IPO9: variants seen among roughly 807,000 people sequenced by gnomAD.
IPO9 encodes the protein importin-9.
IPO9 carries 28 observed loss-of-function variants against 128.6 expected under a neutral mutation model. That is an observed-to-expected ratio of 0.22 (90% CI 0.16 to 0.30). The LOEUF (loss-of-function observed/expected upper bound fraction) is 0.30. Among genes scored for constraint, IPO9 ranks in the 10% least tolerant of loss-of-function variants. The probability of loss-of-function intolerance (pLI) is 1.00; values close to 1 mark genes in which losing one functional copy is unlikely to be tolerated. For synonymous variants in IPO9, 455 were observed against 475.8 expected, an observed-to-expected ratio of 0.96 and a Z score of 0.57; for missense variants, 935 against 1,293.9, an observed-to-expected ratio of 0.72 and a Z score of 4.26.
chr1:201,870,923 G>A lies in IPO9; in HGVS notation c.2409+65G>A. 7.1e-7 allele frequency: 1 copy of A among 1,414,880 alleles called. No homozygotes were observed. Among genetic ancestry groups the A allele is most frequent in the Non-Finnish European group, 9.2e-7 (1 of 1,083,862 alleles). The allele number at this position is 1,414,880 out of a possible 1,614,324, so 87.6% of individuals were successfully genotyped here. On this transcript the variant is annotated intron_variant, in intron 18 of 23. Coordinates refer to ENST00000361565, the MANE Select transcript of IPO9 (RefSeq NM_018085.5). The surrounding 1 kb of genome is among the most constrained non-coding windows in gnomAD (Gnocchi z 4.9). ...TGATAGAAATGAAAATTCGTATTTT[G>A]GTCCTGAGTTATTTTATTTTACCCT...
chr1:201,835,230 C>A (rs1679902501), intron 1 of IPO9, among the ~76,000 whole-genome samples: 1 of 152,316 alleles, frequency 6.6e-6, no homozygotes, highest in East Asian at 1.9e-4. Flanking sequence ...ACTGCCAAGT[C>A]TTGTCTCTCT....
chr1:201,871,381 T>TC, intron 19 of IPO9, 54 bp downstream of exon 19: 1 of 702,716 alleles, frequency 1.4e-6, no homozygotes, highest in Non-Finnish European at 1.9e-6. Context: ...TATTTCTTTT[T>TC]TTTTTTTTTT....
At chr1:201,854,977 C>T (rs1373316232) in intron 8 of IPO9, 54 bp downstream of exon 8, 16 of 1,457,730 alleles carry the variant, frequency 1.1e-5, no homozygotes, top group Admixed American at 8.3e-5. Flanking sequence ...TTAGGAATCT[C>T]GCACTGGGTT....
intron 1 of IPO9, among the ~76,000 whole-genome samples, chr1:201,835,247 C>T (rs900917221): frequency 2.0e-5 from 3 of 152,204 alleles, no homozygotes; most frequent in African/African-American, 7.2e-5. Context: ...CTCTAGGAGA[C>T]CCTTCAGACC....
rs1680300472 is a variant in IPO9, at chr1:201,854,885, G to T, written c.873G>T (p.Leu291=). Residue 291 remains leucine (L), a synonymous_variant, in exon 8 of 24, where the codon CTG becomes CTT. Transcript: ENST00000361565. ...TGGTGTCCTCCATGCAGCAGATTCT[G>T]CCTATTGTTTGGAACACCCTAACCG... ...KHMVSSMQQI[L]PIVWNTLTES... 1.2e-6 allele frequency: 2 copies of T among 1,610,786 alleles called. No individual in the cohort carries two copies. Among genetic ancestry groups the T allele is most frequent in the Non-Finnish European group, 8.5e-7 (1 of 1,179,120 alleles).
chr1:201,834,207 CTTTTT>C (rs71141418), intron 1 of IPO9, among the ~76,000 whole-genome samples: 1 of 111,290 alleles, frequency 9.0e-6, no homozygotes. Flanking sequence ...CTTTTCTTTT[CTTTTT>C]TTTTTTTGTT....
intron 1 of IPO9, among the ~76,000 whole-genome samples, chr1:201,846,300 C>A (rs1030558687): frequency 6.6e-6 from 1 of 152,202 alleles, no homozygotes; most frequent in African/African-American, 2.4e-5. Context: ...TATATCTGGA[C>A]AACTCGTGAA....
At chr1:201,834,440 T>C (rs1679889957) in intron 1 of IPO9, among the ~76,000 whole-genome samples, 1 of 152,170 alleles carries the variant, frequency 6.6e-6, no homozygotes, top group East Asian at 1.9e-4. Flanking sequence ...AATTACCATC[T>C]TTTGAGAATG....
chr1:201,829,427 C>T (rs1679786624), intron 1 of IPO9, 55 bp downstream of exon 1: 5 of 1,463,988 alleles, frequency 3.4e-6, no homozygotes, highest in Admixed American at 2.4e-5. Flanking sequence ...CCGCTGACCG[C>T]AGCTCCGTAC....
Position 201,871,377 on chromosome 1 carries a change from T to C in IPO9, c.2576+50T>C, listed in dbSNP as rs12738193. ...GGCATTCTGCCACCACTCATATTTCTTTTTTTTTTTTTTTTTTTTTTTTTT... is the reference window on the plus strand; with the variant it reads ...GGCATTCTGCCACCACTCATATTTCCTTTTTTTTTTTTTTTTTTTTTTTTT... On this transcript the variant is annotated intron_variant, in intron 19 of 23. Transcript: ENST00000361565. 1.2e-4 allele frequency: 8 copies of C among 66,020 alleles called. No homozygotes were observed. In the East Asian group the frequency reaches 6.1e-3, roughly 50 times the overall value. 4.1% of individuals were successfully genotyped at this position (66,020 alleles called of 1,614,324 possible). A position where few individuals can be genotyped will look rare whatever the true frequency, so the allele number is the denominator to read the frequency against.
intron 1 of IPO9, among the ~76,000 whole-genome samples, chr1:201,830,139 A>T (rs1266538361): frequency 1.3e-5 from 2 of 152,188 alleles, no homozygotes; most frequent in African/African-American, 2.4e-5. Flanking sequence ...TGAGCCTTTC[A>T]CCGGGTCCAG....
Position 201,866,968 on chromosome 1 carries a change from C to T in IPO9, c.1855+9C>T. The T allele has an allele frequency of 3.1e-6, 5 of 1,602,342 alleles. No homozygotes were observed. Among genetic ancestry groups the T allele is most frequent in the Non-Finnish European group, 4.3e-6 (5 of 1,169,298 alleles). On this transcript the variant is annotated intron_variant, in intron 15 of 23. Coordinates refer to ENST00000361565, the MANE Select transcript of IPO9 (RefSeq NM_018085.5). The stretch of plus-strand genomic sequence containing the variant: ...CCTAAAGTACAGTAATGGTATGCTG[C>T]CAGGGAGGATGTATTATGAGGGGCA...
rs114270384 is a variant in IPO9, at chr1:201,858,384, G to A, written c.1222-63G>A. 4,220 of 830,644 alleles carry A rather than the reference G, an allele frequency of 5.1e-3. 73 individuals carry two copies. The highest frequency in any genetic ancestry group is 0.05 in the African/African-American group (2,923 of 58,276). The allele number at this position is 830,644 out of a possible 1,614,324, so 51.5% of individuals were successfully genotyped here. A position where few individuals can be genotyped will look rare whatever the true frequency, so the allele number is the denominator to read the frequency against. ...CACTTCTAACAGTCATGACTGAAGC[G>A]GTTTACAATTAAAATGCATTTAATG... On this transcript the variant is annotated intron_variant, in intron 11 of 23. Coordinates refer to ENST00000361565, the MANE Select transcript of IPO9 (RefSeq NM_018085.5).
At position 201,870,816 on chromosome 1, in the gene IPO9, C is replaced by T; in HGVS notation, c.2367C>T (p.Ile789=). 1 of 1,614,058 alleles carries T rather than the reference C, an allele frequency of 6.2e-7. No individual in the cohort carries two copies. Among genetic ancestry groups the T allele is most frequent in the South Asian group, 1.1e-5 (1 of 91,078 alleles). ...GENLDQILRA[I]LSKMQQAETL... is the part of the protein sequence containing the mutation. ...ATCTAGACCAGATTCTTCGTGCCAT[C>T]CTCAGTAAGATGCAGCAGGCAGAGA... Residue 789 remains isoleucine, a synonymous_variant, in exon 18 of 24, where the codon ATC becomes ATT. Transcript: ENST00000361565. The surrounding 1 kb of genome is among the most constrained non-coding windows in gnomAD (Gnocchi z 4.9).
chr1:201,848,665 T>C (rs1166886940), intron 4 of IPO9, 71 bp downstream of exon 4: 2 of 1,474,182 alleles, frequency 1.4e-6, no homozygotes, highest in African/African-American at 2.8e-5. Context: ...AGAAGCTATG[T>C]GATATAATGG....
At chr1:201,861,998 A>T (rs1468679499) in intron 13 of IPO9, among the ~76,000 whole-genome samples, 1 of 152,200 alleles carries the variant, frequency 6.6e-6, no homozygotes, top group African/African-American at 2.4e-5. Flanking sequence ...TGTGTACTTG[A>T]GTTTGGAAAC....
rs778929162 is a variant in IPO9 at position 201,876,116 on chromosome 1, A to G, written c.*62A>G. 9 of 1,120,394 alleles carry G rather than the reference A, an allele frequency of 8.0e-6. No individual in the cohort carries two copies. The highest frequency in any genetic ancestry group is 1.1e-5 in the Non-Finnish European group (8 of 729,134). 69.4% of individuals were successfully genotyped at this position (1,120,394 alleles called of 1,614,324 possible). On this transcript the variant is annotated 3_prime_UTR_variant, in exon 24 of 24. Coordinates refer to ENST00000361565, the MANE Select transcript of IPO9 (RefSeq NM_018085.5). ...AGCCGCAAACCATTTTGCAGCCCTC[A>G]CTGGCCTTGAGATGCACTTTCTTCT...
At position 201,870,247 on chromosome 1, in the gene IPO9, CCA is replaced by C. The variant is rs960026206; in HGVS notation, c.2134-335_2134-334del. ...ACCTATATAAAGACCTACAGTATCCCCAGTTATTCCAAGATTGTAAGCATATT... is the reference window on the plus strand; with the variant it reads ...ACCTATATAAAGACCTACAGTATCCCGTTATTCCAAGATTGTAAGCATATT... On this transcript the variant is annotated intron_variant, in intron 17 of 23. Coordinates refer to ENST00000361565, the MANE Select transcript of IPO9 (RefSeq NM_018085.5). This position sits in a 1 kb window ranked among gnomAD's most constrained non-coding sequence, Gnocchi z 4.9. 2.6e-5 allele frequency among the ~76,000 whole-genome samples: 4 copies of C among 152,116 alleles called. No homozygotes were observed. The highest frequency in any genetic ancestry group is 2.1e-4 in the South Asian group (1 of 4,828).
rs1571559477 is a variant in IPO9 at position 201,876,448 on chromosome 1, C to T, written c.*394C>T. ...CTACCATTTATATTCTAAAACAGACCTATCTATGTTCATAGGACTTCTGAT... is the reference window on the plus strand; with the variant it reads ...CTACCATTTATATTCTAAAACAGACTTATCTATGTTCATAGGACTTCTGAT... On this transcript the variant is annotated 3_prime_UTR_variant, in exon 24 of 24. Transcript: ENST00000361565. 1 of 352,958 alleles carries T rather than the reference C, an allele frequency of 2.8e-6. No individual in the cohort carries two copies. Among genetic ancestry groups the T allele is most frequent in the South Asian group, 2.2e-5 (1 of 45,022 alleles). 21.9% of individuals were successfully genotyped at this position (352,958 alleles called of 1,614,324 possible).
Sources: allele counts gnomAD v4.1 joint callset (sites outside exome capture counted in the v4.1 genomes callset), GRCh38; gene constraint gnomAD v4.1.1; non-coding constraint Gnocchi (gnomAD v3.1); transcripts MANE v1.5; gene names NCBI Gene and HGNC (gene_info 2026-07-23, HGNC 2026-07-21).